The following LYPD5 variants were observed in gnomAD, a reference collection of about 807,000 sequenced individuals.
LYPD5 encodes the protein ly6/PLAUR domain-containing protein 5.
LYPD5 carries 21 observed loss-of-function variants against 19.1 expected under a neutral mutation model. The observed-to-expected ratio is 1.10, with a 90% CI of 0.78 to 1.58. LYPD5 has a LOEUF of 1.58. Ranked by LOEUF, LYPD5 falls within the 40% of genes most tolerant of loss-of-function variation. The pLI is 0.00. For synonymous variants in LYPD5, 128 were observed against 142.7 expected (o/e 0.90, Z 0.74); for missense variants, 287 against 329.8 (o/e 0.87, Z 1.00).
intron 1 of LYPD5, among the ~76,000 whole-genome samples, chr19:43,811,292 T>A (rs922828035): frequency 6.7e-6 from 1 of 149,586 alleles, no homozygotes; most frequent in Non-Finnish European, 1.5e-5. Flanking sequence ...GAAAAAAAAA[T>A]GGATAACATG....
At chr19:43,803,675 C>T (rs1014604326), upstream of LYPD5, among the ~76,000 whole-genome samples, 6 of 152,098 alleles carry the variant, frequency 3.9e-5, no homozygotes, top group East Asian at 1.9e-4. Context: ...AGTCATCCCT[C>T]GGTATTGTTT....
Position 43,816,841 on chromosome 19 carries a change from T to C in LYPD5, c.-66+3699A>G, listed in dbSNP as rs569650800. On this transcript the variant is annotated intron_variant, in intron 1 of 4. Coordinates refer to the LYPD5 transcript ENST00000414615. ...TACCGTTCTCATGATAGTGAATAAG[T>C]ATTATCAGAGCTGATGGTTTTATAA... Among the ~76,000 whole-genome samples the C allele has an allele frequency of 5.5e-5, 8 of 144,356 alleles. 1 individual carries two copies. The South Asian group carries it at 1.7e-3, about 30-fold the overall frequency. The allele number at this position is 144,356 out of a possible 152,430, so 94.7% of individuals were successfully genotyped here. A position where few individuals can be genotyped will look rare whatever the true frequency, so the allele number is the denominator to read the frequency against.
rs193216636 is a variant in LYPD5, at chr19:43,813,311, C to T, written c.-66+7229G>A. ...TTGTTAAAAAGTCTGGGAACTCCAC[C>T]GTCTCTCTCTCGCTCTCTCTCTTGC... On this transcript the variant is annotated intron_variant, in intron 1 of 4. Transcript: ENST00000414615. 5.3e-5 allele frequency among the ~76,000 whole-genome samples: 8 copies of T among 152,004 alleles called. 1 individual carries two copies. The highest frequency in any genetic ancestry group is 3.9e-4 in the Admixed American group (6 of 15,272).
rs779092916 is a variant in LYPD5 at position 43,798,514 on chromosome 19, C to T, written c.458G>A (p.Arg153Gln). The T allele has an allele frequency of 6.2e-7, 1 of 1,610,002 alleles. No homozygotes were observed. Among genetic ancestry groups the T allele is most frequent in the South Asian group, 1.1e-5 (1 of 91,090 alleles). The change falls in exon 4 of 5, where the codon CGA becomes CAA. Residue 153 changes from arginine (R) to glutamine (Q), a missense_variant. Transcript: ENST00000377950. ...GGTCTGGTCCTGGTGACACTGGACT[C>T]GTCGGGACCTGCCGATAGCGCAGTC... ...QDDCAIGRSR[R>Q]VQCHQDQTAC...
At chr19:43,804,599 G>A (rs1970255421), upstream of LYPD5, among the ~76,000 whole-genome samples, 1 of 152,174 alleles carries the variant, frequency 6.6e-6, no homozygotes, top group South Asian at 2.1e-4. Flanking sequence ...CAGCCACTAT[G>A]GACACTCACC....
In LYPD5 at chr19:43,797,507, A is replaced by G. The variant is rs1970148188; in HGVS notation, c.*84T>C. On this transcript the variant is annotated 3_prime_UTR_variant, in exon 5 of 5. Coordinates refer to ENST00000377950, the MANE Select transcript of LYPD5 (RefSeq NM_001031749.3). The stretch of plus-strand genomic sequence containing the variant: ...GGAGTGCAATTCTTACTTTAACATC[A>G]TTTTCCAGTGAGCTATGTGATAGGG... The G allele has an allele frequency of 2.7e-6, 3 of 1,121,314 alleles. No individual in the cohort carries two copies. The highest frequency in any genetic ancestry group is 2.2e-5 in the Admixed American group (1 of 44,882). The allele number at this position is 1,121,314 out of a possible 1,614,324, so 69.5% of individuals were successfully genotyped here. A position where few individuals can be genotyped will look rare whatever the true frequency, so the allele number is the denominator to read the frequency against.
At chr19:43,817,845 T>G (rs750628905) in intron 1 of LYPD5, among the ~76,000 whole-genome samples, 2 of 151,956 alleles carry the variant, frequency 1.3e-5, no homozygotes, top group Non-Finnish European at 2.9e-5. Flanking sequence ...GCCTCCCAAG[T>G]AGCTGGGATT....
intron 1 of LYPD5, among the ~76,000 whole-genome samples, chr19:43,811,747 AAGGG>A (rs59086615): frequency 1.6e-5 from 2 of 126,964 alleles, no homozygotes; most frequent in Admixed American, 8.4e-5. Context: ...GGAAGGAAGG[AAGGG>A]AGGGAGGGAG....
At chr19:43,812,378 A>T (rs62117000) in intron 1 of LYPD5, among the ~76,000 whole-genome samples, 6,109 of 54,832 alleles carry the variant, frequency 0.11, 170 homozygotes, top group Middle Eastern at 0.2. Context: ...TCTATCTATC[A>T]ATCTATCATC....
intron 1 of LYPD5, among the ~76,000 whole-genome samples, chr19:43,808,854 A>G (rs1970293556): frequency 1.3e-5 from 2 of 152,232 alleles, no homozygotes; most frequent in South Asian, 2.1e-4. Flanking sequence ...GCATCTTACA[A>G]TACTATGTAG....
intron 1 of LYPD5, among the ~76,000 whole-genome samples, chr19:43,810,124 T>C (rs1568406085): frequency 6.6e-6 from 1 of 152,228 alleles, no homozygotes; most frequent in Non-Finnish European, 1.5e-5. Context: ...CCTCCTTAGG[T>C]GTAGTGTTCT....
upstream of LYPD5, among the ~76,000 whole-genome samples, chr19:43,806,443 A>G (rs1231222991): frequency 6.6e-6 from 1 of 152,074 alleles, no homozygotes; most frequent in African/African-American, 2.4e-5. Flanking sequence ...CAGGAGGATC[A>G]CTTGAGGTCG....
chr19:43,806,013 CT>C (rs1294443892), upstream of LYPD5, among the ~76,000 whole-genome samples: 10 of 152,312 alleles, frequency 6.6e-5, no homozygotes, highest in African/African-American at 2.2e-4. Context: ...CCCACACCCC[CT>C]GGCAAGCATC....
At chr19:43,810,910 G>T (rs1005673013) in intron 1 of LYPD5, among the ~76,000 whole-genome samples, 1 of 152,006 alleles carries the variant, frequency 6.6e-6, no homozygotes, top group South Asian at 2.1e-4. Flanking sequence ...GATTACAGGC[G>T]TGAGCCACTG....
At position 43,798,602 on chromosome 19, in the gene LYPD5, C is replaced by A. The variant is rs1392508057; in HGVS notation, c.371-1G>T. On this transcript the variant is annotated splice_acceptor_variant, in intron 3 of 4. Transcript: ENST00000377950. LOFTEE classifies it high-confidence loss of function. ...CCGCTGAGCGTCGGCGGGTCGGGTGCTGGCAAGAGAGCGTAGATGCACACT... is the reference window on the plus strand; with the variant it reads ...CCGCTGAGCGTCGGCGGGTCGGGTGATGGCAAGAGAGCGTAGATGCACACT... 6.2e-7 allele frequency: 1 copy of A among 1,609,920 alleles called. No individual in the cohort carries two copies. Among genetic ancestry groups the A allele is most frequent in the Admixed American group, 1.7e-5 (1 of 60,020 alleles).
At chr19:43,800,988 A>T (rs1970215792) in intron 1 of LYPD5, among the ~76,000 whole-genome samples, 1 of 148,232 alleles carries the variant, frequency 6.7e-6, no homozygotes, top group African/African-American at 2.5e-5. Context: ...AATCAAAATC[A>T]CATATGGATA....
chr19:43,798,947 T>TCCAG lies in LYPD5; in HGVS notation c.231_234dup (p.Thr79LeufsTer29), dbSNP rs762862383. 79 of 1,588,480 alleles carry TCCAG rather than the reference T, an allele frequency of 5.0e-5. No homozygotes were observed. In the African/African-American group the frequency reaches 9.9e-4, roughly 20 times the overall value. ...TGCGTCTGGCCCGCAGGAGGCCCGG[T>TCCAG]CCAGCAGCCCTTCCGCACCAGGGTC... On this transcript the variant is annotated frameshift_variant, in exon 3 of 5. Coordinates refer to ENST00000377950, the MANE Select transcript of LYPD5 (RefSeq NM_001031749.3). LOFTEE classifies it high-confidence loss of function.
At chr19:43,806,453 G>A (rs929173463), upstream of LYPD5, among the ~76,000 whole-genome samples, 3 of 151,908 alleles carry the variant, frequency 2.0e-5, no homozygotes, top group African/African-American at 7.3e-5. Flanking sequence ...ACTTGAGGTC[G>A]GGAGTTCAAG....
At chr19:43,802,284 C>T in intron 1 of LYPD5, 33 bp downstream of exon 1, 1 of 1,541,378 alleles carries the variant, frequency 6.5e-7, no homozygotes, top group South Asian at 1.2e-5. Context: ...GCCACCTGCC[C>T]CTTCTCACTA....
Sources: allele counts gnomAD v4.1 joint callset (sites outside exome capture counted in the v4.1 genomes callset), GRCh38; gene constraint gnomAD v4.1.1; transcripts MANE v1.5; gene names NCBI Gene and HGNC (gene_info 2026-07-23, HGNC 2026-07-21).